Variants in WDFY2 observed in about 807,000 individuals in gnomAD.
WDFY2 encodes the protein WD repeat and FYVE domain containing 2.
Under a neutral mutation model 56.4 loss-of-function variants are expected in WDFY2, and 36 were observed. That is an observed-to-expected ratio of 0.64 (90% confidence interval 0.49 to 0.84). The LOEUF (loss-of-function observed/expected upper bound fraction) is 0.84. Among genes scored for constraint, WDFY2 ranks in the 40% least tolerant of loss-of-function variants. The pLI, the probability that WDFY2 is intolerant of heterozygous loss-of-function variation, is 0.00. For missense variants in WDFY2, 444 were observed against 512.2 expected (o/e 0.87, Z 1.29); for synonymous variants, 176 against 183.7 (o/e 0.96, Z 0.34).
In WDFY2 at chr13:51,655,745, C is replaced by A. The variant is rs74393081; in HGVS notation, c.138-4851C>A. ...TTGAATAGGATTGTTGTTCATTCTC[C>A]TTTAAGTGTTTGATTGACTTTGCCA... is the stretch of plus-strand genomic sequence containing the variant. On this transcript the variant is annotated intron_variant, in intron 1 of 11. Transcript: ENST00000298125. Among the ~76,000 whole-genome samples, 754 of 152,084 alleles carry A rather than the reference C, an allele frequency of 5.0e-3. 5 individuals carry two copies. The highest frequency in any genetic ancestry group is 0.014 in the African/African-American group (592 of 41,508).
intron 4 of WDFY2, among the ~76,000 whole-genome samples, chr13:51,704,845 C>CAT: frequency 6.6e-6 from 1 of 152,262 alleles, no homozygotes; most frequent in South Asian, 2.1e-4. Context: ...TTTGGGATAT[C>CAT]ATATGGTACC....
At chr13:51,710,958 C>CA (rs1179752975) in intron 4 of WDFY2, among the ~76,000 whole-genome samples, 4 of 152,062 alleles carry the variant, frequency 2.6e-5, no homozygotes, top group Non-Finnish European at 2.9e-5. Context: ...CATATGGAAC[C>CA]AAAAAAGAGC....
intron 6 of WDFY2, among the ~76,000 whole-genome samples, chr13:51,731,635 G>A (rs1952725025): frequency 6.6e-6 from 1 of 152,172 alleles, no homozygotes; most frequent in Non-Finnish European, 1.5e-5. Context: ...AGAGTCCATG[G>A]TGATTTAGAC....
At chr13:51,585,038 C>T (rs1327708691) in intron 1 of WDFY2, among the ~76,000 whole-genome samples, 1 of 152,224 alleles carries the variant, frequency 6.6e-6, no homozygotes, top group Non-Finnish European at 1.5e-5. Context: ...GCGAGCGCTC[C>T]GGCTTCACCC....
intron 3 of WDFY2, among the ~76,000 whole-genome samples, chr13:51,702,940 T>C (rs1203910190): frequency 6.6e-6 from 1 of 152,206 alleles, no homozygotes; most frequent in Non-Finnish European, 1.5e-5. Context: ...CGCAGATGCA[T>C]GGGTGAAACA....
chr13:51,629,215 A>C (rs1054617492), intron 1 of WDFY2, among the ~76,000 whole-genome samples: 2 of 152,238 alleles, frequency 1.3e-5, no homozygotes, highest in African/African-American at 4.8e-5. Context: ...CCAAGTGGAT[A>C]GTGTGGGTTT....
rs573475641 is a variant in WDFY2 at position 51,633,021 on chromosome 13, G to A, written c.138-27575G>A. Reference sequence around the variant, plus strand: ...CTTAGAGTTCTAATAGTTTGTGTGGGGCAGGGTTGAAGCTGTAGGCAGTGG... The same window carrying A: ...CTTAGAGTTCTAATAGTTTGTGTGGAGCAGGGTTGAAGCTGTAGGCAGTGG... On this transcript the variant is annotated intron_variant, in intron 1 of 11. Transcript: ENST00000298125. Among the ~76,000 whole-genome samples the A allele has an allele frequency of 5.9e-5, 9 of 152,266 alleles. No individual in the cohort carries two copies. In the South Asian group the frequency reaches 1.9e-3, roughly 32 times the overall value.
chr13:51,716,716 A>G (rs1471659796), intron 4 of WDFY2, among the ~76,000 whole-genome samples: 3 of 147,096 alleles, frequency 2.0e-5, no homozygotes, highest in Non-Finnish European at 4.5e-5. Flanking sequence ...AAAAAAATCA[A>G]CAAGTGATCC....
At chr13:51,692,406 G>A (rs1208606766) in intron 3 of WDFY2, among the ~76,000 whole-genome samples, 1 of 152,162 alleles carries the variant, frequency 6.6e-6, no homozygotes, top group African/African-American at 2.4e-5. Flanking sequence ...AGCATGAAGG[G>A]CTGTTGAATT....
intron 7 of WDFY2, among the ~76,000 whole-genome samples, chr13:51,740,363 A>AG (rs1952941129): frequency 1.3e-5 from 2 of 152,220 alleles, no homozygotes; most frequent in African/African-American, 4.8e-5. Flanking sequence ...CTTTATGACA[A>AG]GGGAACACAC....
chr13:51,701,699 C>T (rs1466528499), intron 3 of WDFY2, among the ~76,000 whole-genome samples: 1 of 151,904 alleles, frequency 6.6e-6, no homozygotes, highest in South Asian at 2.1e-4. Flanking sequence ...ACCTCTATTA[C>T]GTTGTGTTAT....
rs577063729 is a variant in WDFY2 at position 51,703,728 on chromosome 13, C to T, written c.334+78C>T. ...TGGTTTTCACTGCCACAAGAGAATA[C>T]ATACTTTACAATCATCAGGGAAACA... On this transcript the variant is annotated intron_variant, in intron 4 of 11. Transcript: ENST00000298125. 4 of 1,183,748 alleles carry T rather than the reference C, an allele frequency of 3.4e-6. No homozygotes were observed. In the East Asian group the frequency reaches 9.8e-5, roughly 29 times the overall value. 73.3% of individuals were successfully genotyped at this position (1,183,748 alleles called of 1,614,324 possible).
chr13:51,740,792 A>G (rs1046796853), intron 7 of WDFY2, among the ~76,000 whole-genome samples: 2 of 152,218 alleles, frequency 1.3e-5, no homozygotes, highest in Non-Finnish European at 2.9e-5. Flanking sequence ...ATTCCTGCCA[A>G]CTTGGACTCT....
chr13:51,729,071 G>A (rs902165958), intron 6 of WDFY2, among the ~76,000 whole-genome samples: 2 of 152,002 alleles, frequency 1.3e-5, no homozygotes, highest in African/African-American at 4.8e-5. Context: ...GTGGTGCATC[G>A]CTTCACCCAC....
At chr13:51,602,625 C>T (rs1468039082) in intron 1 of WDFY2, among the ~76,000 whole-genome samples, 1 of 152,218 alleles carries the variant, frequency 6.6e-6, no homozygotes, top group Non-Finnish European at 1.5e-5. Flanking sequence ...TGACCTTCAG[C>T]TTCACATCTG....
intron 4 of WDFY2, among the ~76,000 whole-genome samples, chr13:51,713,979 G>A (rs549216945): frequency 1.3e-5 from 2 of 152,180 alleles, no homozygotes; most frequent in East Asian, 3.9e-4. Context: ...GAAATGGCGA[G>A]TTAGTGGGTA....
At chr13:51,724,231 CTTTTTT>C (rs529903671) in intron 5 of WDFY2, among the ~76,000 whole-genome samples, 1 of 108,016 alleles carries the variant, frequency 9.3e-6, no homozygotes, top group Non-Finnish European at 1.9e-5. Flanking sequence ...TCTTTTTTAA[CTTTTTT>C]TTTTTTTTTT....
intron 1 of WDFY2, among the ~76,000 whole-genome samples, chr13:51,637,526 A>G (rs1955075928): frequency 2.0e-5 from 3 of 152,070 alleles, no homozygotes; most frequent in Admixed American, 6.6e-5. Flanking sequence ...ACCATGTTAG[A>G]GAACTGAGTG....
intron 2 of WDFY2, among the ~76,000 whole-genome samples, chr13:51,664,632 T>A (rs1379823831): frequency 2.6e-5 from 4 of 152,226 alleles, no homozygotes; most frequent in African/African-American, 9.6e-5. Context: ...TTATTGGATA[T>A]GCCCATTTGT....
Sources: allele counts gnomAD v4.1 joint callset (sites outside exome capture counted in the v4.1 genomes callset), GRCh38; gene constraint gnomAD v4.1.1; transcripts MANE v1.5; gene names NCBI Gene and HGNC (gene_info 2026-07-23, HGNC 2026-07-21).